Variants in GPD2 observed in about 807,000 individuals in gnomAD.
GPD2 encodes glycerol-3-phosphate dehydrogenase 2.
In GPD2, 54 loss-of-function variants were observed where a neutral mutation model predicts 82.4. That is an observed-to-expected ratio of 0.66 (90% CI 0.53 to 0.82). The LOEUF is 0.82. Among genes scored for constraint, GPD2 ranks in the 40% least tolerant of loss-of-function variants. The pLI is 0.00. For synonymous variants in GPD2, 288 were observed against 306.1 expected (o/e 0.94, Z 0.62); for missense variants, 748 against 896.2 (o/e 0.83, Z 2.11).
intron 3 of GPD2, among the ~76,000 whole-genome samples, chr2:156,499,884 A>G (rs1684525767): frequency 6.6e-6 from 1 of 151,876 alleles, no homozygotes. Context: ...TAGTAAGACT[A>G]GTAAGATGTG....
rs529128988 is a variant in GPD2 at position 156,506,977 on chromosome 2, A to G, written c.275-3819A>G. 3.3e-5 allele frequency among the ~76,000 whole-genome samples: 5 copies of G among 152,298 alleles called. No homozygotes were observed. In the East Asian group the frequency reaches 5.8e-4, roughly 18 times the overall value. On this transcript the variant is annotated intron_variant, in intron 3 of 16. Transcript: ENST00000438166. ...ATAGCTTGTAACTGTGTAAAATACTAAAAATACTAATATTAGTGCTTGCCT... is the reference window on the plus strand; with the variant it reads ...ATAGCTTGTAACTGTGTAAAATACTGAAAATACTAATATTAGTGCTTGCCT...
upstream of GPD2, among the ~76,000 whole-genome samples, chr2:156,431,802 AT>A (rs1270157069): frequency 6.6e-6 from 1 of 151,096 alleles, no homozygotes; most frequent in African/African-American, 2.4e-5. Flanking sequence ...ATTTGTTATT[AT>A]ATTTTATTCT....
the GPD2 span, among the ~76,000 whole-genome samples, chr2:156,405,616 C>G: frequency 3.9e-5 from 6 of 152,214 alleles, no homozygotes; most frequent in East Asian, 1.2e-3. Context: ...GTGTAGTAAT[C>G]CTGTTTCACA....
At chr2:156,401,294 G>A in the GPD2 span, among the ~76,000 whole-genome samples, 3 of 152,160 alleles carry the variant, frequency 2.0e-5, no homozygotes, top group Non-Finnish European at 2.9e-5. Flanking sequence ...TCACGTATTT[G>A]TGTATTCAAA....
chr2:156,499,002 A>G (rs1195835506), intron 3 of GPD2, among the ~76,000 whole-genome samples: 15 of 152,142 alleles, frequency 9.9e-5, no homozygotes. Context: ...TGAAAATACA[A>G]GGAAAGAGAT....
chr2:156,565,684 G>A (rs1455396168), intron 9 of GPD2, among the ~76,000 whole-genome samples: 1 of 152,126 alleles, frequency 6.6e-6, no homozygotes, highest in Non-Finnish European at 1.5e-5. Flanking sequence ...TGTCAAGAGT[G>A]TAGCCTTTAA....
chr2:156,540,390 G>T (rs150196572), intron 6 of GPD2, among the ~76,000 whole-genome samples: 7 of 152,254 alleles, frequency 4.6e-5, no homozygotes, highest in African/African-American at 1.7e-4. Context: ...GTATCCCAGG[G>T]GACCGTTCTT....
chr2:156,526,486 A>G (rs956882436), intron 6 of GPD2, among the ~76,000 whole-genome samples: 1 of 152,212 alleles, frequency 6.6e-6, no homozygotes, highest in Non-Finnish European at 1.5e-5. Flanking sequence ...TCTTTTAAAT[A>G]GATGAGTCTG....
At chr2:156,454,852 C>A (rs1682733679) in intron 1 of GPD2, among the ~76,000 whole-genome samples, 1 of 151,960 alleles carries the variant, frequency 6.6e-6, no homozygotes, top group Middle Eastern at 3.2e-3. Context: ...GCTTAGTGGC[C>A]AGGGGTGAGC....
intron 1 of GPD2, among the ~76,000 whole-genome samples, chr2:156,469,512 T>C (rs1179697219): frequency 3.9e-5 from 6 of 152,226 alleles, no homozygotes; most frequent in African/African-American, 1.4e-4. Context: ...TGTGTATATG[T>C]ACCACATTTT....
chr2:156,538,820 C>CAAAA (rs34693625), intron 6 of GPD2, among the ~76,000 whole-genome samples: 3 of 109,868 alleles, frequency 2.7e-5, no homozygotes, highest in Admixed American at 1.0e-4. Flanking sequence ...GACTGCATCT[C>CAAAA]AAAAAAAAAA....
At chr2:156,508,075 C>T (rs1413325427) in intron 3 of GPD2, among the ~76,000 whole-genome samples, 1 of 152,064 alleles carries the variant, frequency 6.6e-6, no homozygotes, top group Non-Finnish European at 1.5e-5. Context: ...AAACTATCCC[C>T]AAAACTTGGT....
intron 2 of GPD2, among the ~76,000 whole-genome samples, chr2:156,483,710 T>C (rs1683821364): frequency 6.6e-6 from 1 of 152,220 alleles, no homozygotes; most frequent in Non-Finnish European, 1.5e-5. Context: ...CAATTTAATC[T>C]TGTGGCATCT....
At chr2:156,455,227 G>A (rs1682750176) in intron 1 of GPD2, among the ~76,000 whole-genome samples, 1 of 152,154 alleles carries the variant, frequency 6.6e-6, no homozygotes, top group Non-Finnish European at 1.5e-5. Context: ...CTTACTCCCA[G>A]ATTCATGTTC....
At chr2:156,465,785 G>C (rs186861911) in intron 1 of GPD2, among the ~76,000 whole-genome samples, 3 of 152,248 alleles carry the variant, frequency 2.0e-5, no homozygotes, top group Non-Finnish European at 4.4e-5. Context: ...GTAAAGGGGC[G>C]GAAAGACTGA....
the GPD2 span, among the ~76,000 whole-genome samples, chr2:156,413,204 G>A: frequency 3.9e-5 from 6 of 152,216 alleles, no homozygotes; most frequent in South Asian, 6.2e-4. Flanking sequence ...CTCTGAGCTC[G>A]TAAAAATGGC....
At chr2:156,581,853 C>G (rs771760381) in intron 16 of GPD2, among the ~76,000 whole-genome samples, 3 of 151,842 alleles carry the variant, frequency 2.0e-5, no homozygotes, top group Non-Finnish European at 4.4e-5. Context: ...ATTCAGAGCT[C>G]TTTTTAAGCA....
intron 1 of GPD2, among the ~76,000 whole-genome samples, chr2:156,470,262 A>G (rs1246259775): frequency 1.3e-5 from 2 of 151,702 alleles, no homozygotes; most frequent in Non-Finnish European, 2.9e-5. Context: ...TGGTATGATC[A>G]TGGCTCATTG....
At chr2:156,420,390 C>T in the GPD2 span, among the ~76,000 whole-genome samples, 1 of 152,092 alleles carries the variant, frequency 6.6e-6, no homozygotes, top group Non-Finnish European at 1.5e-5. Flanking sequence ...CCAGGATGGT[C>T]TCAATCTCCT....
Sources: gnomAD v4.1 joint callset for allele counts (sites outside exome capture counted in the v4.1 genomes callset) on GRCh38, gnomAD v4.1.1 for gene constraint, MANE v1.5 for transcripts, NCBI Gene and HGNC (gene_info 2026-07-23, HGNC 2026-07-21) for gene names.